SPICE1: variants seen among roughly 807,000 people sequenced by gnomAD.
The protein encoded by SPICE1 is spindle and centriole associated protein 1, also known as spindle and centriole-associated protein 1.
Under a neutral mutation model 102.7 loss-of-function variants are expected in SPICE1, and 75 were observed. The observed-to-expected ratio is 0.73, with a 90% CI of 0.61 to 0.88. The LOEUF is 0.88. Ranked by LOEUF, SPICE1 falls within the 40% of genes least tolerant of loss-of-function variation. The probability of loss-of-function intolerance (pLI) is 0.00; values close to 1 mark genes in which losing one functional copy is unlikely to be tolerated. For synonymous variants in SPICE1, 308 were observed against 350.3 expected (o/e 0.88, Z 1.35); for missense variants, 979 against 1,020.1 (o/e 0.96, Z 0.55).
intron 11 of SPICE1, among the ~76,000 whole-genome samples, chr3:113,463,895 C>T (rs371637552): frequency 2.6e-5 from 4 of 152,240 alleles, no homozygotes; most frequent in East Asian, 3.9e-4. Context: ...GGTGAAACCT[C>T]ATCTCTGCTA....
At chr3:113,454,100 C>A (rs1274906354) in intron 13 of SPICE1, 150 bp from the exon 14 acceptor site, 2 of 703,870 alleles carry the variant, frequency 2.8e-6, no homozygotes, top group Admixed American at 5.9e-5. Context: ...CAGCAGAGAA[C>A]ACACCAGCAA....
At position 113,481,356 on chromosome 3, in the gene SPICE1, A is replaced by G. The variant is rs961642602; in HGVS notation, c.611+7589T>C. ...ACTCAGTAAGAAATAAGCAAACTCT[A>G]TATGAGAGAAATGTTAAGACGCTGT... On this transcript the variant is annotated intron_variant, in intron 7 of 17. Coordinates refer to ENST00000295872, the MANE Select transcript of SPICE1 (RefSeq NM_144718.4). Among the ~76,000 whole-genome samples, 5 of 152,242 alleles carry G rather than the reference A, an allele frequency of 3.3e-5. No homozygotes were observed. In the South Asian group the frequency reaches 8.3e-4, roughly 25 times the overall value.
At chr3:113,454,355 A>G (rs1363278652) in intron 13 of SPICE1, among the ~76,000 whole-genome samples, 1 of 152,204 alleles carries the variant, frequency 6.6e-6, no homozygotes, top group Non-Finnish European at 1.5e-5. Flanking sequence ...AGCAAAGGAC[A>G]TTACAGGCAG....
chr3:113,446,343 A>G (rs868857658), intron 17 of SPICE1, among the ~76,000 whole-genome samples: 1 of 152,218 alleles, frequency 6.6e-6, no homozygotes, highest in African/African-American at 2.4e-5. Context: ...TGAAACCAGT[A>G]ATTTCCAGTC....
chr3:113,503,171 T>C lies in SPICE1; in HGVS notation c.147+9A>G, dbSNP rs774571852. ...GAATAAATGACTTAAGTTTTGATAT[T>C]AAACTCACCAGATCTTCGGGAGTTG... On this transcript the variant is annotated intron_variant, in intron 3 of 17. Transcript: ENST00000295872. 2 of 1,607,426 alleles carry C rather than the reference T, an allele frequency of 1.2e-6. No homozygotes were observed. The highest frequency in any genetic ancestry group is 3.4e-5 in the Admixed American group (2 of 58,854).
intron 3 of SPICE1, among the ~76,000 whole-genome samples, chr3:113,500,763 G>T (rs576895843): frequency 5.9e-5 from 9 of 151,908 alleles, no homozygotes; most frequent in African/African-American, 2.2e-4. Context: ...AACTCAGTTG[G>T]GCATAATTAT....
chr3:113,472,426 G>C (rs1054971554), intron 7 of SPICE1, among the ~76,000 whole-genome samples: 10 of 152,362 alleles, frequency 6.6e-5, no homozygotes, highest in Admixed American at 5.2e-4. Context: ...GCTTTGAAGA[G>C]AGCAGTGGTT....
intron 12 of SPICE1, 82 bp downstream of exon 12, chr3:113,460,535 G>A (rs1455827154): frequency 2.0e-6 from 3 of 1,510,554 alleles, no homozygotes; most frequent in Non-Finnish European, 2.6e-6. Flanking sequence ...GTCTATATAA[G>A]TTTAGAGATT....
intron 4 of SPICE1, among the ~76,000 whole-genome samples, chr3:113,496,682 A>G (rs1336096008): frequency 6.6e-6 from 1 of 152,190 alleles, no homozygotes; most frequent in African/African-American, 2.4e-5. Flanking sequence ...TTAATCTGGG[A>G]GTCCAGCTTC....
In SPICE1 at chr3:113,498,459, T is replaced by C. The variant is rs930901351; in HGVS notation, c.291+980A>G. Among the ~76,000 whole-genome samples, 5 of 152,160 alleles carry C rather than the reference T, an allele frequency of 3.3e-5. No individual in the cohort carries two copies. In the East Asian group the frequency reaches 9.6e-4, roughly 29 times the overall value. On this transcript the variant is annotated intron_variant, in intron 4 of 17. Transcript: ENST00000295872. ...GCCTTTTTTCGTGGTGAGATCTGTG[T>C]TTTTAGGCCTTTCACTGAGAATTAC...
At chr3:113,460,462 T>C (rs1935904953) in intron 12 of SPICE1, 155 bp downstream of exon 12, 1 of 984,982 alleles carries the variant, frequency 1.0e-6, no homozygotes, top group Admixed American at 6.1e-5. Flanking sequence ...CATCCAATAT[T>C]AGCTGGAAAA....
chr3:113,462,554 A>AT (rs1935958434), intron 11 of SPICE1, among the ~76,000 whole-genome samples: 2 of 152,242 alleles, frequency 1.3e-5, no homozygotes, highest in Non-Finnish European at 2.9e-5. Context: ...TGTGTCCCAC[A>AT]TGATTCCAAG....
At chr3:113,500,459 G>A (rs1319583244) in intron 3 of SPICE1, among the ~76,000 whole-genome samples, 2 of 151,706 alleles carry the variant, frequency 1.3e-5, no homozygotes, top group African/African-American at 4.8e-5. Flanking sequence ...GGTATTAGGT[G>A]TTACAAATAA....
At chr3:113,465,097 T>A (rs9835848) in intron 11 of SPICE1, among the ~76,000 whole-genome samples, 33,370 of 126,878 alleles carry the variant, frequency 0.26, 4,315 homozygotes, top group African/African-American at 0.43. Flanking sequence ...TGAGACACCA[T>A]CTCAAAAAAA....
At chr3:113,476,023 C>T (rs151019159) in intron 7 of SPICE1, among the ~76,000 whole-genome samples, 3,980 of 152,104 alleles carry the variant, frequency 0.026, 67 homozygotes, top group Middle Eastern at 0.061. Context: ...CATGATTGTA[C>T]ATCTAGAAAA....
chr3:113,463,186 G>T (rs568423997), intron 11 of SPICE1, among the ~76,000 whole-genome samples: 1 of 152,212 alleles, frequency 6.6e-6, no homozygotes, highest in South Asian at 2.1e-4. Flanking sequence ...CCCATCCTAT[G>T]CATTTCCTGT....
chr3:113,465,549 A>C lies in SPICE1; in HGVS notation c.1287+104T>G, dbSNP rs1936034456. ...TGATAAAAATGACTGATAAGTAATC[A>C]CATCGATACAGTTAAACCAAAAGCA... is the stretch of plus-strand genomic sequence containing the variant. On this transcript the variant is annotated intron_variant, in intron 11 of 17. Transcript: ENST00000295872. 6 of 918,820 alleles carry C rather than the reference A, an allele frequency of 6.5e-6. No homozygotes were observed. In the Admixed American group the frequency reaches 1.6e-4, roughly 24 times the overall value. 56.9% of individuals were successfully genotyped at this position (918,820 alleles called of 1,614,324 possible).
intron 1 of SPICE1, among the ~76,000 whole-genome samples, chr3:113,507,100 C>G (rs959277189): frequency 1.3e-5 from 2 of 152,144 alleles, no homozygotes; most frequent in African/African-American, 2.4e-5. Flanking sequence ...CTTTAGAGAA[C>G]AAATGAGGTA....
intron 5 of SPICE1, 91 bp downstream of exon 5, chr3:113,493,958 T>G (rs559721787): frequency 2.5e-6 from 2 of 797,080 alleles, no homozygotes; most frequent in Admixed American, 5.4e-5. Context: ...ATAAATAATA[T>G]GATGCCTAAG....
Sources: gnomAD v4.1 joint callset for allele counts (sites outside exome capture counted in the v4.1 genomes callset) on GRCh38, gnomAD v4.1.1 for gene constraint, MANE v1.5 for transcripts, NCBI Gene and HGNC (gene_info 2026-07-23, HGNC 2026-07-21) for gene names.